Variants in AP1S3 observed in about 807,000 individuals in gnomAD.
The protein encoded by AP1S3 is adaptor related protein complex 1 subunit sigma 3.
AP1S3 carries 10 observed loss-of-function variants against 20.9 expected under a neutral mutation model. The ratio of observed to expected loss-of-function variants is 0.48; its 90% CI spans 0.29 to 0.81. The LOEUF (loss-of-function observed/expected upper bound fraction) is 0.81, where lower values mean the gene tolerates loss of function less well. AP1S3 is among the 30% of genes least tolerant of loss of function. The pLI is 0.08. For synonymous variants in AP1S3, 41 were observed against 61.5 expected, an observed-to-expected ratio of 0.67 and a Z score of 1.56; for missense variants, 154 against 183.8, an observed-to-expected ratio of 0.84 and a Z score of 0.94.
intron 1 of AP1S3, among the ~76,000 whole-genome samples, chr2:223,778,187 G>A (rs12988478): frequency 1.6e-5 from 2 of 125,900 alleles, no homozygotes; most frequent in Admixed American, 8.5e-5. Context: ...GTGCAGTGGC[G>A]CGGTCTCAGC....
At chr2:223,789,672 C>G (rs1430849022) in intron 1 of AP1S3, among the ~76,000 whole-genome samples, 1 of 122,360 alleles carries the variant, frequency 8.2e-6, no homozygotes, top group African/African-American at 3.1e-5. Context: ...AAAACCCTGT[C>G]TCAAAAAAAA....
chr2:223,813,800 A>G (rs2106120437), intron 1 of AP1S3, among the ~76,000 whole-genome samples: 1 of 152,298 alleles, frequency 6.6e-6, no homozygotes, highest in African/African-American at 2.4e-5. Context: ...CAGCCCTCAC[A>G]TCCACAAAGG....
intron 3 of AP1S3, among the ~76,000 whole-genome samples, chr2:223,765,608 G>C (rs112069986): frequency 6.6e-6 from 1 of 152,146 alleles, no homozygotes; most frequent in Non-Finnish European, 1.5e-5. Context: ...CTCAGTAAGG[G>C]AATGAGGCCA....
intron 3 of AP1S3, among the ~76,000 whole-genome samples, chr2:223,769,092 G>A (rs1201840571): frequency 1.3e-5 from 2 of 152,158 alleles, no homozygotes; most frequent in African/African-American, 4.8e-5. Context: ...GAATTACCAT[G>A]GCATACTGGG....
intron 4 of AP1S3, among the ~76,000 whole-genome samples, chr2:223,759,622 TTTTTAAC>T (rs1343270593): frequency 2.0e-5 from 3 of 152,240 alleles, no homozygotes; most frequent in East Asian, 1.9e-4. Flanking sequence ...ATTATGTTTC[TTTTTAAC>T]TTTTAAGTTC....
At chr2:223,796,914 T>G (rs1691351046) in intron 1 of AP1S3, among the ~76,000 whole-genome samples, 1 of 152,196 alleles carries the variant, frequency 6.6e-6, no homozygotes, top group Admixed American at 6.5e-5. Context: ...TCCACCGACC[T>G]CGGCCTCCCA....
At chr2:223,833,021 C>CA (rs1353467826) in intron 1 of AP1S3, among the ~76,000 whole-genome samples, 1 of 151,910 alleles carries the variant, frequency 6.6e-6, no homozygotes, top group African/African-American at 2.4e-5. Context: ...ATTTGCAACA[C>CA]AAAAAGACGG....
chr2:223,806,482 C>T (rs528890833), intron 1 of AP1S3, among the ~76,000 whole-genome samples: 1 of 152,084 alleles, frequency 6.6e-6, no homozygotes, highest in East Asian at 1.9e-4. Flanking sequence ...GACAGGGTTT[C>T]ACCATGTTAG....
At chr2:223,783,303 C>A (rs13401168) in intron 1 of AP1S3, among the ~76,000 whole-genome samples, 56,157 of 151,846 alleles carry the variant, frequency 0.37, 12,975 homozygotes, top group Non-Finnish European at 0.51. Context: ...TCCACCAAGA[C>A]CTCCATCCCC....
rs1232582507 is a variant in AP1S3 at position 223,756,469 on chromosome 2, A to AGAAAGAAAG, written c.*2237_*2245dup. 1.1e-6 allele frequency: 1 copy of AGAAAGAAAG among 908,156 alleles called. No individual in the cohort carries two copies. Among genetic ancestry groups the AGAAAGAAAG allele is most frequent in the African/African-American group, 1.9e-5 (1 of 53,148 alleles). 56.3% of individuals were successfully genotyped at this position (908,156 alleles called of 1,614,324 possible). A position where few individuals can be genotyped will look rare whatever the true frequency, so the allele number is the denominator to read the frequency against. On this transcript the variant is annotated 3_prime_UTR_variant, in exon 5 of 5. Coordinates refer to ENST00000396654, the MANE Select transcript of AP1S3 (RefSeq NM_001039569.2). The stretch of plus-strand genomic sequence containing the variant: ...GAAGGAAAAGAAAGAAAGAAAGAAA[A>AGAAAGAAAG]GAAAGAAAGAAAGAAAAAAAGAAAG...
chr2:223,764,774 T>G (rs1157364666), intron 4 of AP1S3, among the ~76,000 whole-genome samples: 1 of 152,206 alleles, frequency 6.6e-6, no homozygotes, highest in Non-Finnish European at 1.5e-5. Context: ...TTAATGAAAG[T>G]CTTTTTATAC....
rs1690281242 is a variant in AP1S3, at chr2:223,758,671, A to G, written c.*44T>C. On this transcript the variant is annotated 3_prime_UTR_variant, in exon 5 of 5. Coordinates refer to ENST00000396654, the MANE Select transcript of AP1S3 (RefSeq NM_001039569.2). Reference sequence around the variant, plus strand: ...CGGATGGGAGGCGTTGCTTATTTACAGCTTCATAACATGTAGTGCTGGAGT... The same window carrying G: ...CGGATGGGAGGCGTTGCTTATTTACGGCTTCATAACATGTAGTGCTGGAGT... 1 of 1,542,714 alleles carries G rather than the reference A, an allele frequency of 6.5e-7. No homozygotes were observed. Among genetic ancestry groups the G allele is most frequent in the East Asian group, 2.4e-5 (1 of 42,218 alleles).
intron 1 of AP1S3, among the ~76,000 whole-genome samples, chr2:223,794,155 G>T (rs984504590): frequency 3.3e-5 from 5 of 151,894 alleles, no homozygotes; most frequent in Non-Finnish European, 7.4e-5. Flanking sequence ...TTCTTGCTCA[G>T]AATGGGGACT....
chr2:223,807,078 C>T (rs1158402355), intron 1 of AP1S3, among the ~76,000 whole-genome samples: 1 of 152,106 alleles, frequency 6.6e-6, no homozygotes, highest in Non-Finnish European at 1.5e-5. Flanking sequence ...TCAACCTGGG[C>T]AACATGGCGA....
chr2:223,759,073 C>T (rs1017948578), intron 4 of AP1S3, among the ~76,000 whole-genome samples: 50 of 152,026 alleles, frequency 3.3e-4, no homozygotes, highest in Non-Finnish European at 7.1e-4. Flanking sequence ...GTGGGCAGAT[C>T]ACCTGAGGCC....
chr2:223,759,427 C>T (rs1421954748), intron 4 of AP1S3, among the ~76,000 whole-genome samples: 1 of 152,156 alleles, frequency 6.6e-6, no homozygotes, highest in African/African-American at 2.4e-5. Flanking sequence ...TTCTGAATTA[C>T]GTCTGTATAA....
chr2:223,802,412 C>G (rs1050824720), intron 1 of AP1S3, among the ~76,000 whole-genome samples: 11 of 151,958 alleles, frequency 7.2e-5, no homozygotes, highest in African/African-American at 2.2e-4. Flanking sequence ...AAGCAATTCT[C>G]CTGCCTCAAC....
intron 1 of AP1S3, among the ~76,000 whole-genome samples, chr2:223,825,979 G>A (rs1333007997): frequency 6.6e-6 from 1 of 152,204 alleles, no homozygotes; most frequent in Non-Finnish European, 1.5e-5. Flanking sequence ...TTGTGCCACT[G>A]CACTCCAGCC....
At chr2:223,828,674 G>C (rs1022023880) in intron 1 of AP1S3, among the ~76,000 whole-genome samples, 1 of 151,974 alleles carries the variant, frequency 6.6e-6, no homozygotes, top group African/African-American at 2.4e-5. Context: ...GTGGCTTCTG[G>C]CTTGTTCAAC....
Sources: allele counts gnomAD v4.1 joint callset (sites outside exome capture counted in the v4.1 genomes callset), GRCh38; gene constraint gnomAD v4.1.1; transcripts MANE v1.5; gene names NCBI Gene and HGNC (gene_info 2026-07-23, HGNC 2026-07-21).